Variants in SLC26A4 observed in about 807,000 individuals in gnomAD.
The protein encoded by SLC26A4 is pendrin.
A neutral mutation model predicts 90.4 loss-of-function variants in SLC26A4; 93 were observed. The ratio of observed to expected loss-of-function variants is 1.03; its 90% CI spans 0.87 to 1.22. SLC26A4 has a LOEUF of 1.22. Ranked by LOEUF, SLC26A4 falls within the 50% of genes most tolerant of loss-of-function variation. The pLI is 0.00. For synonymous variants in SLC26A4, 393 were observed against 354.6 expected, an observed-to-expected ratio of 1.11 and a Z score of -1.22; for missense variants, 1,127 against 946.2, an observed-to-expected ratio of 1.19 and a Z score of -2.51.
rs551845318 is a variant in SLC26A4, at chr7:107,702,605, C to T, written c.2034+548C>T. 7.4e-5 allele frequency among the ~76,000 whole-genome samples: 11 copies of T among 148,820 alleles called. No homozygotes were observed. The South Asian group carries it at 2.1e-3, about 29-fold the overall frequency. Reference sequence around the variant, plus strand: ...CTAGGAGGCTGTGGCAGGAGAATCGCTTGAACCCGGGAGGTGGAGGTTGCA... The same window carrying T: ...CTAGGAGGCTGTGGCAGGAGAATCGTTTGAACCCGGGAGGTGGAGGTTGCA... On this transcript the variant is annotated intron_variant, in intron 17 of 20. Transcript: ENST00000644269.
chr7:107,691,720 G>GT, intron 10 of SLC26A4: 3 of 777,058 alleles, frequency 3.9e-6, no homozygotes, highest in African/African-American at 1.9e-5. Context: ...GCCTCTTCCA[G>GT]TTTTTTGGCT....
In SLC26A4 at chr7:107,661,340, G is replaced by A. The variant is rs952636229; in HGVS notation, c.-3-299G>A. 2 of 522,742 alleles carry A rather than the reference G, an allele frequency of 3.8e-6. No individual in the cohort carries two copies. Among genetic ancestry groups the A allele is most frequent in the African/African-American group, 3.9e-5 (2 of 51,336 alleles). 32.4% of individuals were successfully genotyped at this position (522,742 alleles called of 1,614,324 possible). Reference sequence around the variant, plus strand: ...CTGGCTGCGGGCCATAGGGGACTGGGTGGAACTCGGGAAGCCCCCAGAGCA... The same window carrying A: ...CTGGCTGCGGGCCATAGGGGACTGGATGGAACTCGGGAAGCCCCCAGAGCA... On this transcript the variant is annotated intron_variant, in intron 1 of 20. Coordinates refer to ENST00000644269, the MANE Select transcript of SLC26A4 (RefSeq NM_000441.2). This position sits in a 1 kb window ranked among gnomAD's most constrained non-coding sequence, Gnocchi z 5.1.
At chr7:107,687,435 A>C (rs1031418079) in intron 8 of SLC26A4, among the ~76,000 whole-genome samples, 22 of 152,212 alleles carry the variant, frequency 1.4e-4, no homozygotes, top group Admixed American at 8.5e-4. Context: ...AGATTCTCCC[A>C]ATATATACCA....
intron 6 of SLC26A4, among the ~76,000 whole-genome samples, chr7:107,678,345 C>T (rs1042435831): frequency 6.6e-6 from 1 of 152,152 alleles, no homozygotes; most frequent in Non-Finnish European, 1.5e-5. Context: ...GTATTCTCAC[C>T]TCACTGGGCA....
chr7:107,691,900 AC>A, intron 10 of SLC26A4: 1 of 1,280,330 alleles, frequency 7.8e-7, no homozygotes, highest in Non-Finnish European at 1.0e-6. Context: ...AAAGCTGTGC[AC>A]ATTTCAGGCT....
intron 10 of SLC26A4, chr7:107,693,558 T>A (rs187240719): frequency 1.0e-6 from 1 of 985,488 alleles, no homozygotes; most frequent in East Asian, 1.1e-4. Context: ...TCAGAGCTTC[T>A]AATCTTCATC....
At chr7:107,705,445 A>T (rs2129319020) in intron 18 of SLC26A4, among the ~76,000 whole-genome samples, 1 of 152,346 alleles carries the variant, frequency 6.6e-6, no homozygotes, top group African/African-American at 2.4e-5. Context: ...CCAAGGGTTT[A>T]TAGTATGCTC....
At chr7:107,705,126 A>G (rs372810492) in intron 18 of SLC26A4, among the ~76,000 whole-genome samples, 49 of 152,280 alleles carry the variant, frequency 3.2e-4, no homozygotes, top group African/African-American at 1.2e-3. Flanking sequence ...GCTCAAGAAG[A>G]CTAAAACAAT....
At chr7:107,683,693 G>A (rs913841200) in intron 8 of SLC26A4, among the ~76,000 whole-genome samples, 156 bp downstream of exon 8, 11 of 152,156 alleles carry the variant, frequency 7.2e-5, no homozygotes, top group African/African-American at 2.4e-4. Context: ...AAGACAAACA[G>A]TATGTGTGTA....
chr7:107,691,514 T>TACACACACACACAC lies in SLC26A4; in HGVS notation c.1263+1295_1263+1308dup, dbSNP rs113976786. 6.6e-3 allele frequency among the ~76,000 whole-genome samples: 861 copies of TACACACACACACAC among 131,018 alleles called. 12 individuals are homozygous for TACACACACACACAC. Among genetic ancestry groups the TACACACACACACAC allele is most frequent in the African/African-American group, 0.024 (811 of 34,424 alleles). 86.0% of individuals were successfully genotyped at this position (131,018 alleles called of 152,430 possible). On this transcript the variant is annotated intron_variant, in intron 10 of 20. Coordinates refer to ENST00000644269, the MANE Select transcript of SLC26A4 (RefSeq NM_000441.2). ...CTAGACTCTGTGTCAAATATATATA[T>TACACACACACACAC]ACACACACACACACACACACACACA...
At chr7:107,687,698 G>A (rs1277071450) in intron 8 of SLC26A4, among the ~76,000 whole-genome samples, 2 of 152,298 alleles carry the variant, frequency 1.3e-5, no homozygotes, top group East Asian at 3.9e-4. Context: ...GGCAGGCAAA[G>A]TGCATTAGGC....
In SLC26A4 at chr7:107,683,315, A is replaced by G. The variant is rs1791302530; in HGVS notation, c.879A>G (p.Arg293=). The G allele has an allele frequency of 6.2e-7, 1 of 1,613,722 alleles. No homozygotes were observed. Among genetic ancestry groups the G allele is most frequent in the African/African-American group, 1.3e-5 (1 of 74,894 alleles). ...MAVKELNDRF[R]HKIPVPIPIE... is the part of the protein sequence containing the mutation. ...TTAAGGAATTAAATGATCGGTTTAG[A>G]CACAAAATCCCAGTCCCTATTCCTA... Residue 293 remains arginine (R), a synonymous_variant, in exon 7 of 21, where the codon AGA becomes AGG. Transcript: ENST00000644269.
chr7:107,700,097 A>T lies in SLC26A4; in HGVS notation c.1629A>T (p.Gln543His). Residue 543 changes from glutamine to histidine, a missense_variant, in exon 15 of 21, where the codon CAA becomes CAT. Gln to His is a conservative substitution (Grantham distance 24, BLOSUM62 0). Transcript: ENST00000644269. ...TKNYKNIEEP[Q>H]GVKILRFSSP... Reference sequence around the variant, plus strand: ...TTTAATGCCAGATTGAAGAACCTCAAGGAGTGAAGATTCTTAGATTTTCCA... The same window carrying T: ...TTTAATGCCAGATTGAAGAACCTCATGGAGTGAAGATTCTTAGATTTTCCA... 6.4e-7 allele frequency: 1 copy of T among 1,566,346 alleles called. No homozygotes were observed. The highest frequency in any genetic ancestry group is 2.2e-5 in the East Asian group (1 of 44,652).
intron 17 of SLC26A4, among the ~76,000 whole-genome samples, chr7:107,704,078 G>A (rs2129318726): frequency 6.6e-6 from 1 of 152,252 alleles, no homozygotes; most frequent in South Asian, 2.1e-4. Flanking sequence ...TTCCACAAAT[G>A]CTTATTTAGC....
At chr7:107,710,272 C>G (rs537410241) in intron 19 of SLC26A4, 73 bp downstream of exon 19, 54 of 1,101,742 alleles carry the variant, frequency 4.9e-5, no homozygotes, top group Non-Finnish European at 7.4e-5. Context: ...AAACATTACA[C>G]AAGTCTAGTC....
intron 10 of SLC26A4, chr7:107,692,169 A>C (rs1248290542): frequency 1.0e-6 from 1 of 962,982 alleles, no homozygotes; most frequent in Non-Finnish European, 1.4e-6. Flanking sequence ...ACATACTGGC[A>C]TGTATTATAT....
intron 3 of SLC26A4, among the ~76,000 whole-genome samples, chr7:107,667,549 T>C (rs954286722): frequency 1.3e-5 from 2 of 148,634 alleles, no homozygotes; most frequent in Non-Finnish European, 3.0e-5. Flanking sequence ...GATTACAGAC[T>C]GCTTTTAAGA....
At position 107,701,863 on chromosome 7, in the gene SLC26A4, G is replaced by A; in HGVS notation, c.1840G>A (p.Ala614Thr). The change falls in exon 17 of 21, where the codon GCT (alanine) becomes ACT (threonine). Residue 614 changes from alanine to threonine, a missense_variant. By Grantham distance (58) the Ala-to-Thr change is moderately conservative. Coordinates refer to ENST00000644269, the MANE Select transcript of SLC26A4 (RefSeq NM_000441.2). ...AAGTGATGCTGTTTCAACAAATAATGCTTTTGAGCCTGATGAGGATATTGA... is the reference window on the plus strand; with the variant it reads ...AAGTGATGCTGTTTCAACAAATAATACTTTTGAGCCTGATGAGGATATTGA... Reference protein sequence around the residue: ...IISDAVSTNNAFEPDEDIEDL... With the variant: ...IISDAVSTNNTFEPDEDIEDL... The A allele has an allele frequency of 1.9e-6, 3 of 1,612,574 alleles. No homozygotes were observed. The highest frequency in any genetic ancestry group is 2.5e-6 in the Non-Finnish European group (3 of 1,178,628).
intron 18 of SLC26A4, among the ~76,000 whole-genome samples, chr7:107,706,128 C>A (rs1792031465): frequency 6.6e-6 from 1 of 152,174 alleles, no homozygotes; most frequent in Admixed American, 6.5e-5. Flanking sequence ...CTATGCTTTT[C>A]TTTTGAACCA....
Sources: allele counts gnomAD v4.1 joint callset (sites outside exome capture counted in the v4.1 genomes callset), GRCh38; gene constraint gnomAD v4.1.1; non-coding constraint Gnocchi (gnomAD v3.1); transcripts MANE v1.5; gene names NCBI Gene and HGNC (gene_info 2026-07-23, HGNC 2026-07-21).